The following CROCC2 variants were observed in gnomAD, a reference collection of about 807,000 sequenced individuals.
CROCC2 encodes ciliary rootlet coiled-coil, rootletin family member 2, also known as ciliary rootlet coiled-coil protein 2.
Under a neutral mutation model 177.6 loss-of-function variants are expected in CROCC2, and 163 were observed. The ratio of observed to expected loss-of-function variants is 0.92; its 90% confidence interval spans 0.81 to 1.05. The LOEUF (loss-of-function observed/expected upper bound fraction) is 1.05, where lower values mean the gene tolerates loss of function less well. Among genes scored for constraint, CROCC2 ranks in the 50% least tolerant of loss-of-function variants. The pLI is 0.00. For missense variants in CROCC2, 1,929 were observed against 1,797.8 expected (o/e 1.07, Z -1.32); for synonymous variants, 904 against 787.3 (o/e 1.15, Z -2.48).
chr2:240,945,503 T>A (rs1442080566), intron 14 of CROCC2, among the ~76,000 whole-genome samples: 3 of 152,130 alleles, frequency 2.0e-5, no homozygotes, highest in Non-Finnish European at 4.4e-5. Flanking sequence ...GGCATCTCAA[T>A]TTTTCAGCCC....
chr2:240,939,802 C>T (rs2059486869), intron 14 of CROCC2, among the ~76,000 whole-genome samples: 1 of 152,088 alleles, frequency 6.6e-6, no homozygotes, highest in Non-Finnish European at 1.5e-5. Context: ...TTATTCTTTG[C>T]CCCGTGGATT....
At chr2:240,991,362 G>A (rs769022781) in intron 31 of CROCC2, 84 bp downstream of exon 31, 4 of 1,242,426 alleles carry the variant, frequency 3.2e-6, no homozygotes, top group Non-Finnish European at 4.4e-6. Context: ...GGAAGGTGCT[G>A]GAGGCCCTAG....
intron 18 of CROCC2, among the ~76,000 whole-genome samples, chr2:240,951,273 G>C (rs1056659942): frequency 2.1e-5 from 3 of 144,956 alleles, no homozygotes; most frequent in African/African-American, 7.8e-5. Flanking sequence ...CCATCCGTCT[G>C]TCCATCCATT....
chr2:240,958,126 G>A lies in CROCC2; in HGVS notation c.2944-1175G>A, dbSNP rs2059605279. 1 of 985,436 alleles carries A rather than the reference G, an allele frequency of 1.0e-6. No individual in the cohort carries two copies. Among genetic ancestry groups the A allele is most frequent in the African/African-American group, 1.7e-5 (1 of 57,356 alleles). 61.0% of individuals were successfully genotyped at this position (985,436 alleles called of 1,614,324 possible). ...AGAAAATGGAAATTAAAACTGTTGA[G>A]AGGAGCGGGAGGAGAGGAATGCCGG... On this transcript the variant is annotated intron_variant, in intron 19 of 31. Transcript: ENST00000690015. This position sits in a 1 kb window ranked among gnomAD's most constrained non-coding sequence, Gnocchi z 6.7.
In CROCC2 at chr2:240,958,047, A is replaced by AGCCAGCCG. The variant is rs2059604726; in HGVS notation, c.2944-1250_2944-1243dup. The AGCCAGCCG allele has an allele frequency of 1.0e-6, 1 of 985,294 alleles. No homozygotes were observed. Among genetic ancestry groups the AGCCAGCCG allele is most frequent in the Admixed American group, 6.1e-5 (1 of 16,268 alleles). The allele number at this position is 985,294 out of a possible 1,614,324, so 61.0% of individuals were successfully genotyped here. A position where few individuals can be genotyped will look rare whatever the true frequency, so the allele number is the denominator to read the frequency against. ...CCCCGGACTCGGTACCAGGCCTGCC[A>AGCCAGCCG]GCCAGCCGGCCTTCCTGGGGAGCTC... On this transcript the variant is annotated intron_variant, in intron 19 of 31. Coordinates refer to ENST00000690015, the MANE Select transcript of CROCC2 (RefSeq NM_001351305.2). The surrounding 1 kb of genome is among the most constrained non-coding windows in gnomAD (Gnocchi z 6.7).
intron 31 of CROCC2, among the ~76,000 whole-genome samples, chr2:240,991,983 G>A (rs1011032490): frequency 2.6e-5 from 4 of 152,210 alleles, no homozygotes; most frequent in Admixed American, 1.3e-4. Context: ...TCAAGTCCCC[G>A]TGACTCACTG....
chr2:240,940,227 A>ATT (rs2059488438), intron 14 of CROCC2, among the ~76,000 whole-genome samples: 1 of 152,012 alleles, frequency 6.6e-6, no homozygotes. Context: ...TCCACAGCCA[A>ATT]TTTTTGCTTC....
chr2:240,965,656 G>C lies in CROCC2; in HGVS notation c.3624G>C (p.Lys1208Asn). The C allele has an allele frequency of 6.4e-7, 1 of 1,550,710 alleles. No individual in the cohort carries two copies. The highest frequency in any genetic ancestry group is 8.7e-7 in the Non-Finnish European group (1 of 1,147,012). Residue 1208 changes from lysine to asparagine, a missense_variant, in exon 24 of 32, where the codon AAG becomes AAC. Transcript: ENST00000690015. The stretch of plus-strand genomic sequence containing the variant: ...TACAGGTCCTGGGATTGCAGAGGAA[G>C]TTGGCAGAGGTGGAGGCCGCAGGGG... ...ARKEVLGLQRKLAEVEAAGEA... is the reference protein window; with the variant it reads ...ARKEVLGLQRNLAEVEAAGEA...
intron 29 of CROCC2, 147 bp from the exon 30 acceptor site, chr2:240,989,507 C>A: frequency 1.5e-6 from 1 of 683,428 alleles, no homozygotes; most frequent in Non-Finnish European, 2.3e-6. Context: ...AACCCCAGGT[C>A]TGCTGGGCAG....
rs1456649553 is a variant in CROCC2 at position 240,918,929 on chromosome 2, G to A, written c.229+53G>A. 3 of 668,172 alleles carry A rather than the reference G, an allele frequency of 4.5e-6. No homozygotes were observed. Among genetic ancestry groups the A allele is most frequent in the African/African-American group, 1.9e-5 (1 of 51,320 alleles). 41.4% of individuals were successfully genotyped at this position (668,172 alleles called of 1,614,324 possible). A position where few individuals can be genotyped will look rare whatever the true frequency, so the allele number is the denominator to read the frequency against. ...CCGGGGCTGGCCAAGGTGACGGCGTGGGGGACAGTCCTGGGCCCGGTGCTG... is the reference window on the plus strand; with the variant it reads ...CCGGGGCTGGCCAAGGTGACGGCGTAGGGGACAGTCCTGGGCCCGGTGCTG... On this transcript the variant is annotated intron_variant, in intron 2 of 31. Coordinates refer to ENST00000690015, the MANE Select transcript of CROCC2 (RefSeq NM_001351305.2). This position sits in a 1 kb window ranked among gnomAD's most constrained non-coding sequence, Gnocchi z 6.3.
chr2:240,926,703 C>T (rs182148032), intron 5 of CROCC2, among the ~76,000 whole-genome samples: 2 of 152,354 alleles, frequency 1.3e-5, no homozygotes, highest in East Asian at 1.9e-4. Flanking sequence ...CCAGAGGGGC[C>T]GCCACTCGCC....
intron 3 of CROCC2, among the ~76,000 whole-genome samples, chr2:240,920,576 G>A (rs542679163): frequency 1.2e-4 from 18 of 152,346 alleles, no homozygotes; most frequent in Admixed American, 4.6e-4. Flanking sequence ...GATGGAGCTC[G>A]CAGAGAAATG....
rs2059546545 is a variant in CROCC2, at chr2:240,950,376, A to G, written c.2695A>G (p.Arg899Gly). The change falls in exon 18 of 32, where the codon AGA (arginine) becomes GGA (glycine). Residue 899 changes from arginine to glycine, a missense_variant. Coordinates refer to ENST00000690015, the MANE Select transcript of CROCC2 (RefSeq NM_001351305.2). The part of the protein sequence containing the change: ...LTLAEEKEVA[R>G]CQLEQEKELV... ...CCTGGCAGAGGAGAAGGAGGTAGCC[A>G]GATGCCAGCTGGAGCAGGAGAAGGA... 1 of 1,550,176 alleles carries G rather than the reference A, an allele frequency of 6.5e-7. No homozygotes were observed. Among genetic ancestry groups the G allele is most frequent in the African/African-American group, 1.4e-5 (1 of 73,044 alleles).
At chr2:240,962,757 C>T (rs906082881) in intron 20 of CROCC2, among the ~76,000 whole-genome samples, 1 of 152,200 alleles carries the variant, frequency 6.6e-6, no homozygotes, top group African/African-American at 2.4e-5. Context: ...TCTGGTCAGG[C>T]CCAGAGCTCA....
In CROCC2 at chr2:240,989,668, G is replaced by A; in HGVS notation, c.4698G>A (p.Glu1566=). 9 of 1,546,146 alleles carry A rather than the reference G, an allele frequency of 5.8e-6. No individual in the cohort carries two copies. The African/African-American group carries it at 8.2e-5, about 14-fold the overall frequency. Residue 1566 remains glutamate (E), a synonymous_variant, in exon 30 of 32, where the codon GAG becomes GAA. Coordinates refer to ENST00000690015, the MANE Select transcript of CROCC2 (RefSeq NM_001351305.2). ...TCTCACTCCAGGCCCAGATGACAGA[G>A]ATGGAGCAGGCCCACACCCAGCGGC... ...QNQQLQAQMT[E]MEQAHTQRLQ... is the part of the protein sequence containing the mutation.
chr2:240,988,388 G>A (rs928332652), intron 28 of CROCC2, among the ~76,000 whole-genome samples: 1 of 152,230 alleles, frequency 6.6e-6, no homozygotes, highest in African/African-American at 2.4e-5. Flanking sequence ...CATGGCTCAT[G>A]AGACCTGGAG....
At chr2:240,964,714 C>G in intron 22 of CROCC2, 89 bp downstream of exon 22, 2 of 1,420,148 alleles carry the variant, frequency 1.4e-6, no homozygotes, top group East Asian at 2.5e-5. Flanking sequence ...CCAGCCCTGG[C>G]CTTGCTGCCG....
chr2:240,964,610 G>A lies in CROCC2; in HGVS notation c.3450G>A (p.Arg1150=), dbSNP rs1167065616. ...QAGGDARQEL[R]ELHRQVRTLK... ...GGGGGGACGCCCGTCAGGAGCTCCG[G>A]GAACTCCACAGACAGGTAGGGCGGC... is the stretch of plus-strand genomic sequence containing the variant. The change falls in exon 22 of 32, where the codon CGG becomes CGA. Residue 1150 remains arginine (R), a synonymous_variant. Transcript: ENST00000690015. 8.4e-6 allele frequency: 13 copies of A among 1,549,338 alleles called. No homozygotes were observed. Among genetic ancestry groups the A allele is most frequent in the Non-Finnish European group, 1.1e-5 (13 of 1,146,686 alleles).
At chr2:240,964,707 G>T in intron 22 of CROCC2, 82 bp downstream of exon 22, 1 of 1,446,038 alleles carries the variant, frequency 6.9e-7, no homozygotes, top group Non-Finnish European at 9.2e-7. Flanking sequence ...GGAGCCCCCA[G>T]CCCTGGCCTT....
Sources: gnomAD v4.1 joint callset for allele counts (sites outside exome capture counted in the v4.1 genomes callset) on GRCh38, gnomAD v4.1.1 for gene constraint, Gnocchi (gnomAD v3.1) non-coding constraint, MANE v1.5 for transcripts, NCBI Gene and HGNC (gene_info 2026-07-23, HGNC 2026-07-21) for gene names.